The following DNAH14 variants were observed in gnomAD, a reference collection of about 807,000 sequenced individuals.
DNAH14 encodes the protein dynein axonemal heavy chain 14, also known as axonemal beta dynein heavy chain 14.
Under a neutral mutation model 520.9 loss-of-function variants are expected in DNAH14, and 478 were observed. The ratio of observed to expected loss-of-function variants is 0.92; its 90% CI spans 0.85 to 0.99. The LOEUF is 0.99. Ranked by LOEUF, DNAH14 falls within the 50% of genes least tolerant of loss-of-function variation. The pLI is 0.00. For synonymous variants in DNAH14, 1,581 were observed against 1,757.2 expected, an observed-to-expected ratio of 0.90 and a Z score of 2.51; for missense variants, 4,831 against 5,234.5, an observed-to-expected ratio of 0.92 and a Z score of 2.38.
chr1:225,366,041 C>T (rs553858238), intron 76 of DNAH14, among the ~76,000 whole-genome samples: 2 of 151,954 alleles, frequency 1.3e-5, no homozygotes, highest in Non-Finnish European at 2.9e-5. Context: ...ATTAACATTC[C>T]ATACAAAATG....
chr1:225,240,726 C>T lies in DNAH14; in HGVS notation c.6652C>T (p.Pro2218Ser), dbSNP rs1291662445. ...NREDEHRENI[P>S]FCPSLEPDSL... Reference sequence around the variant, plus strand: ...TGAAGATGAACACAGAGAAAATATACCATTTTGTCCCAGTCTTGAACCTGA... The same window carrying T: ...TGAAGATGAACACAGAGAAAATATATCATTTTGTCCCAGTCTTGAACCTGA... The change falls in exon 43 of 86, where the codon CCA (proline) becomes TCA (serine). Residue 2218 changes from proline to serine, a missense_variant. Physicochemically the swap from Pro to Ser is moderately conservative, Grantham distance 74. Coordinates refer to ENST00000682510, the MANE Select transcript of DNAH14 (RefSeq NM_001367479.1). 6 of 1,550,718 alleles carry T rather than the reference C, an allele frequency of 3.9e-6. No homozygotes were observed. Among genetic ancestry groups the T allele is most frequent in the Middle Eastern group, 3.3e-4 (2 of 5,980 alleles).
chr1:225,317,461 T>A (rs2150172661), intron 60 of DNAH14, among the ~76,000 whole-genome samples: 1 of 152,068 alleles, frequency 6.6e-6, no homozygotes, highest in East Asian at 1.9e-4. Context: ...AATAAAATTT[T>A]TAAATTCTAA....
chr1:224,942,359 C>A lies in DNAH14; in HGVS notation c.-33-10311C>A, dbSNP rs192324518. Among the ~76,000 whole-genome samples the A allele has an allele frequency of 6.6e-3, 1,007 of 152,230 alleles. 22 individuals are homozygous for A. The highest frequency in any genetic ancestry group is 6.8e-3 in the Middle Eastern group (2 of 294). ...TGATTTTTGTGCATTGATTTTGTAT[C>A]CTGGGACTTTGCTGAAGTTGCCTAT... On this transcript the variant is annotated intron_variant, in intron 1 of 85. Transcript: ENST00000682510.
At chr1:225,105,992 T>A (rs2076013245) in intron 23 of DNAH14, among the ~76,000 whole-genome samples, 1 of 134,218 alleles carries the variant, frequency 7.5e-6, no homozygotes, top group Admixed American at 7.1e-5. Context: ...GTCTTTACAA[T>A]TTGGCATGTT....
intron 38 of DNAH14, among the ~76,000 whole-genome samples, chr1:225,201,686 G>T (rs1268970287): frequency 6.6e-6 from 1 of 152,062 alleles, no homozygotes; most frequent in African/African-American, 2.4e-5. Flanking sequence ...TGGTACCGGG[G>T]GTTGTCTGCA....
intron 81 of DNAH14, among the ~76,000 whole-genome samples, chr1:225,384,555 G>A (rs1001169396): frequency 6.6e-6 from 1 of 152,058 alleles, no homozygotes; most frequent in African/African-American, 2.4e-5. Context: ...TATCACCACC[G>A]ATCCCACAGA....
intron 35 of DNAH14, among the ~76,000 whole-genome samples, chr1:225,166,737 C>T (rs1374775995): frequency 2.0e-5 from 3 of 152,142 alleles, no homozygotes; most frequent in South Asian, 4.1e-4. Context: ...GTGTCATTAT[C>T]GCCAAGTAAC....
chr1:225,244,965 C>G (rs544775134), intron 43 of DNAH14, among the ~76,000 whole-genome samples: 2 of 151,990 alleles, frequency 1.3e-5, no homozygotes, highest in African/African-American at 4.8e-5. Flanking sequence ...AGATCTTTCC[C>G]GCTTTCTGAT....
chr1:225,361,817 C>T (rs923543976), intron 75 of DNAH14, among the ~76,000 whole-genome samples: 40 of 152,168 alleles, frequency 2.6e-4, no homozygotes, highest in African/African-American at 8.4e-4. Context: ...GCCAGGAGTT[C>T]GAGACCAGCC....
At chr1:225,335,083 G>GTACATATATACATATATGTATATA (rs1262090584) in intron 66 of DNAH14, among the ~76,000 whole-genome samples, 21 of 147,786 alleles carry the variant, frequency 1.4e-4, no homozygotes, top group Middle Eastern at 3.7e-3. Context: ...ACGTACATAT[G>GTACATATATACATATATGTATATA]TACATATATA....
At chr1:225,389,120 CA>C (rs2095874442) in intron 82 of DNAH14, among the ~76,000 whole-genome samples, 1 of 152,198 alleles carries the variant, frequency 6.6e-6, no homozygotes, top group African/African-American at 2.4e-5. Flanking sequence ...GTTAGAGTAG[CA>C]ACATCTAGCA....
intron 36 of DNAH14, among the ~76,000 whole-genome samples, chr1:225,168,346 G>A (rs1333739174): frequency 6.6e-6 from 1 of 152,208 alleles, no homozygotes; most frequent in African/African-American, 2.4e-5. Context: ...CCGAAGCAGG[G>A]CGAGGCATCG....
chr1:225,002,041 A>G (rs905475010), intron 8 of DNAH14, among the ~76,000 whole-genome samples: 1 of 152,162 alleles, frequency 6.6e-6, no homozygotes, highest in African/African-American at 2.4e-5. Flanking sequence ...GAGGGAAGAG[A>G]TAATTTCTGA....
At chr1:225,196,575 C>A (rs991836786) in intron 38 of DNAH14, among the ~76,000 whole-genome samples, 6 of 152,132 alleles carry the variant, frequency 3.9e-5, no homozygotes, top group African/African-American at 1.2e-4. Flanking sequence ...TACTTTAGTT[C>A]TTTAAGAAAT....
In DNAH14 at chr1:225,125,031, G is replaced by A. The variant is rs150672677; in HGVS notation, c.4254+1417G>A. 3.7e-3 allele frequency among the ~76,000 whole-genome samples: 567 copies of A among 152,250 alleles called. 4 individuals are homozygous for A. The highest frequency in any genetic ancestry group is 0.013 in the African/African-American group (522 of 41,552). On this transcript the variant is annotated intron_variant, in intron 27 of 85. Transcript: ENST00000682510. ...TGTTGTTAGTGAGCAGTAATATTTT[G>A]AAAGGAATCTTTTTTTCTTAACAGT...
At chr1:225,290,624 T>G (rs2093847592) in intron 55 of DNAH14, among the ~76,000 whole-genome samples, 1 of 124,644 alleles carries the variant, frequency 8.0e-6, no homozygotes, top group Non-Finnish European at 1.7e-5. Flanking sequence ...TGTGTGTGTA[T>G]AGATATATGT....
intron 27 of DNAH14, among the ~76,000 whole-genome samples, chr1:225,132,970 A>G (rs368629428): frequency 1.3e-5 from 2 of 152,134 alleles, no homozygotes; most frequent in Non-Finnish European, 1.5e-5. Flanking sequence ...TTCTCTAACA[A>G]TTAGTAATGT....
chr1:225,132,729 G>A (rs746171520), intron 27 of DNAH14, among the ~76,000 whole-genome samples: 16 of 152,082 alleles, frequency 1.1e-4, no homozygotes, highest in African/African-American at 2.2e-4. Flanking sequence ...TTTTGAGTAC[G>A]TACCCAGTAA....
chr1:225,059,331 C>T (rs189105014), intron 17 of DNAH14, among the ~76,000 whole-genome samples: 6 of 152,114 alleles, frequency 3.9e-5, no homozygotes, highest in East Asian at 1.9e-4. Flanking sequence ...CTGTTTTATC[C>T]GATACTAGGA....
Sources: allele counts gnomAD v4.1 joint callset (sites outside exome capture counted in the v4.1 genomes callset), GRCh38; gene constraint gnomAD v4.1.1; transcripts MANE v1.5; gene names NCBI Gene and HGNC (gene_info 2026-07-23, HGNC 2026-07-21).